The following KCNQ1 variants were observed in gnomAD, a reference collection of about 807,000 sequenced individuals.
The protein encoded by KCNQ1 is potassium voltage-gated channel subfamily Q member 1.
A neutral mutation model predicts 72.4 loss-of-function variants in KCNQ1; 49 were observed. That is an observed-to-expected ratio of 0.68 (90% CI 0.54 to 0.86). The LOEUF is 0.86. Among genes scored for constraint, KCNQ1 ranks in the 40% least tolerant of loss-of-function variants. KCNQ1 has a pLI of 0.00. For synonymous variants in KCNQ1, 450 were observed against 412.6 expected, an observed-to-expected ratio of 1.09 and a Z score of -1.10; for missense variants, 790 against 945.1, an observed-to-expected ratio of 0.84 and a Z score of 2.15.
Position 2,481,767 on chromosome 11 carries a change from C to A in KCNQ1, c.386+36283C>A, listed in dbSNP as rs936019509. ...AAGAATCTAATGCCTGATGATCTGTCACTGTCTCCCATCACCCCCAGATGG... is the reference window on the plus strand; with the variant it reads ...AAGAATCTAATGCCTGATGATCTGTAACTGTCTCCCATCACCCCCAGATGG... On this transcript the variant is annotated intron_variant, in intron 1 of 15. Coordinates refer to ENST00000155840, the MANE Select transcript of KCNQ1 (RefSeq NM_000218.3). The surrounding 1 kb of genome is among the most constrained non-coding windows in gnomAD (Gnocchi z 4.6). Among the ~76,000 whole-genome samples, 10 of 152,162 alleles carry A rather than the reference C, an allele frequency of 6.6e-5. No homozygotes were observed. Among genetic ancestry groups the A allele is most frequent in the Non-Finnish European group, 1.2e-4 (8 of 68,032 alleles).
In KCNQ1 at chr11:2,603,702, T is replaced by C. The variant is rs940129745; in HGVS notation, c.1393+14848T>C. On this transcript the variant is annotated intron_variant, in intron 10 of 15. Coordinates refer to ENST00000155840, the MANE Select transcript of KCNQ1 (RefSeq NM_000218.3). This position sits in a 1 kb window ranked among gnomAD's most constrained non-coding sequence, Gnocchi z 4.1. ...GTTTGTGCTTCAGTGCTTCTTTTTT[T>C]TTCCCCGAGACAGAGTCTCCCTCTG... Among the ~76,000 whole-genome samples the C allele has an allele frequency of 1.3e-5, 2 of 152,160 alleles. No individual in the cohort carries two copies. Among genetic ancestry groups the C allele is most frequent in the Admixed American group, 6.5e-5 (1 of 15,280 alleles).
rs189475054 is a variant in KCNQ1, at chr11:2,535,476, G to A, written c.477+7458G>A. Among the ~76,000 whole-genome samples, 141 of 152,322 alleles carry A rather than the reference G, an allele frequency of 9.3e-4. 1 individual carries two copies. The highest frequency in any genetic ancestry group is 3.0e-3 in the African/African-American group (125 of 41,578). On this transcript the variant is annotated intron_variant, in intron 2 of 15. Coordinates refer to ENST00000155840, the MANE Select transcript of KCNQ1 (RefSeq NM_000218.3). ...TGGGGACAGGAGAAGTGACTTGGCCGGCTCTCCGGAGCCCAGTGTTGATCA... is the reference window on the plus strand; with the variant it reads ...TGGGGACAGGAGAAGTGACTTGGCCAGCTCTCCGGAGCCCAGTGTTGATCA...
rs1208043546 is a variant in KCNQ1, at chr11:2,479,778, TG to T, written c.386+34297del. On this transcript the variant is annotated intron_variant, in intron 1 of 15. Transcript: ENST00000155840. The surrounding 1 kb of genome is among the most constrained non-coding windows in gnomAD (Gnocchi z 4.6). ...GCTGCTTGACTTTCTCCTCAGAAAA[TG>T]GGTTTTTATTTTCTATCACATTTTC... Among the ~76,000 whole-genome samples the T allele has an allele frequency of 5.3e-5, 8 of 152,334 alleles. No homozygotes were observed. Among genetic ancestry groups the T allele is most frequent in the Admixed American group, 2.6e-4 (4 of 15,298 alleles).
intron 2 of KCNQ1, among the ~76,000 whole-genome samples, chr11:2,534,885 A>T (rs916343207): frequency 6.6e-5 from 10 of 152,340 alleles, no homozygotes; most frequent in African/African-American, 1.9e-4. Flanking sequence ...TGGGCTCATG[A>T]AAGGCAGAGC....
Position 2,653,679 on chromosome 11 carries a change from G to T in KCNQ1, c.1394-8282G>T, listed in dbSNP as rs1006789483. ...AATGGCCACCAGCTTGCATTCAACA[G>T]CTCAGGAAGCCCAGCAGAACGAGGT... On this transcript the variant is annotated intron_variant, in intron 10 of 15. Transcript: ENST00000155840. The surrounding 1 kb of genome is among the most constrained non-coding windows in gnomAD (Gnocchi z 5.3). 5.0e-6 allele frequency: 2 copies of T among 398,704 alleles called. No homozygotes were observed. The highest frequency in any genetic ancestry group is 8.8e-6 in the Non-Finnish European group (2 of 226,122). 24.7% of individuals were successfully genotyped at this position (398,704 alleles called of 1,614,324 possible).
At chr11:2,622,213 T>G in intron 10 of KCNQ1, 1 of 398,436 alleles carries the variant, frequency 2.5e-6, no homozygotes, top group Non-Finnish European at 4.4e-6. Context: ...CAGTATATTT[T>G]CTTATATTCT....
rs902779473 is a variant in KCNQ1, at chr11:2,657,008, C to G, written c.1394-4953C>G. ...TGCTCTTCCCAGGATGTGCAGGCCA[C>G]CTCTGATACACAGCAAGCTTCCATA... On this transcript the variant is annotated intron_variant, in intron 10 of 15. Coordinates refer to ENST00000155840, the MANE Select transcript of KCNQ1 (RefSeq NM_000218.3). This position sits in a 1 kb window ranked among gnomAD's most constrained non-coding sequence, Gnocchi z 4.8. 1.3e-5 allele frequency: 5 copies of G among 398,610 alleles called. No individual in the cohort carries two copies. The East Asian group carries it at 1.8e-4, about 14-fold the overall frequency. The allele number at this position is 398,610 out of a possible 1,614,324, so 24.7% of individuals were successfully genotyped here.
rs1477942782 is a variant in KCNQ1 at position 2,498,511 on chromosome 11, C to G, written c.387-29417C>G. On this transcript the variant is annotated intron_variant, in intron 1 of 15. Coordinates refer to ENST00000155840, the MANE Select transcript of KCNQ1 (RefSeq NM_000218.3). The surrounding 1 kb of genome is among the most constrained non-coding windows in gnomAD (Gnocchi z 4.8). ...AGGGGAAAACCGCCTACTAAAGCCT[C>G]AGTAATACCAAATGCCCCTCCCGCC... 1.3e-5 allele frequency among the ~76,000 whole-genome samples: 2 copies of G among 152,196 alleles called. No individual in the cohort carries two copies. The highest frequency in any genetic ancestry group is 2.9e-5 in the Non-Finnish European group (2 of 68,030).
rs1003905941 is a variant in KCNQ1 at position 2,678,850 on chromosome 11, C to G, written c.1514+16769C>G. On this transcript the variant is annotated intron_variant, in intron 11 of 15. Transcript: ENST00000155840. This position sits in a 1 kb window ranked among gnomAD's most constrained non-coding sequence, Gnocchi z 4.9. ...ACTTCAAGGAAGGCAGAATCCAGGT[C>G]GGGGGTGCACAGGAGTTGCCAGCTG... 1 of 398,520 alleles carries G rather than the reference C, an allele frequency of 2.5e-6. No homozygotes were observed. Among genetic ancestry groups the G allele is most frequent in the Non-Finnish European group, 4.4e-6 (1 of 226,058 alleles). 24.7% of individuals were successfully genotyped at this position (398,520 alleles called of 1,614,324 possible). A position where few individuals can be genotyped will look rare whatever the true frequency, so the allele number is the denominator to read the frequency against.
intron 6 of KCNQ1, 149 bp from the exon 7 acceptor site, chr11:2,583,286 T>A: frequency 1.4e-6 from 1 of 712,982 alleles, no homozygotes; most frequent in Admixed American, 2.0e-5. Flanking sequence ...CTGTTCCTGG[T>A]GCTTTCGCCG....
rs138265664 is a variant in KCNQ1 at position 2,737,946 on chromosome 11, C to T, written c.1515-30898C>T. Among the ~76,000 whole-genome samples the T allele has an allele frequency of 9.2e-5, 14 of 152,122 alleles. No individual in the cohort carries two copies. In the East Asian group the frequency reaches 2.5e-3, roughly 27 times the overall value. On this transcript the variant is annotated intron_variant, in intron 11 of 15. Coordinates refer to ENST00000155840, the MANE Select transcript of KCNQ1 (RefSeq NM_000218.3). ...AGGCACACCTGGGGGCACAGAATGA[C>T]ACTGGGTCCTCTCAGCTTCATCCAT...
chr11:2,532,474 CT>C (rs1290827361), intron 2 of KCNQ1, among the ~76,000 whole-genome samples: 2 of 152,210 alleles, frequency 1.3e-5, no homozygotes, highest in Non-Finnish European at 2.9e-5. Flanking sequence ...GAGGGTCCAG[CT>C]GTCACTCAGT....
chr11:2,770,089 G>T (rs1007791712), intron 12 of KCNQ1, among the ~76,000 whole-genome samples: 2 of 152,174 alleles, frequency 1.3e-5, no homozygotes, highest in Admixed American at 1.3e-4. Context: ...CATCCAGACG[G>T]ACTGACAGTG....
intron 15 of KCNQ1, among the ~76,000 whole-genome samples, chr11:2,847,308 T>C (rs1158070210): frequency 6.6e-6 from 1 of 152,192 alleles, no homozygotes; most frequent in African/African-American, 2.4e-5. Flanking sequence ...ACAGTAGACA[T>C]AGCCCCCAGC....
chr11:2,843,119 G>A (rs1350992400), intron 15 of KCNQ1, among the ~76,000 whole-genome samples: 3 of 152,232 alleles, frequency 2.0e-5, no homozygotes, highest in Non-Finnish European at 4.4e-5. Context: ...GCTCCAGCAG[G>A]GCAGCTGCCC....
At chr11:2,456,771 A>C (rs1284390564) in intron 1 of KCNQ1, among the ~76,000 whole-genome samples, 10 of 108,208 alleles carry the variant, frequency 9.2e-5, no homozygotes, top group African/African-American at 3.6e-4. Flanking sequence ...AATCCAAAAA[A>C]AAAAAAAAAA....
chr11:2,530,133 G>A (rs1557647), intron 2 of KCNQ1, among the ~76,000 whole-genome samples: 92,582 of 151,962 alleles, frequency 0.61, 29,771 homozygotes, highest in Non-Finnish European at 0.71. Flanking sequence ...GGGTGAGGCC[G>A]TCCTTCCCCC....
intron 1 of KCNQ1, among the ~76,000 whole-genome samples, chr11:2,506,950 A>G (rs1160268146): frequency 1.3e-5 from 2 of 152,022 alleles, no homozygotes; most frequent in African/African-American, 2.4e-5. Context: ...TAAGTCATTT[A>G]TATTGTGGGA....
chr11:2,558,493 A>T (rs1005320224), intron 2 of KCNQ1, among the ~76,000 whole-genome samples: 2 of 152,188 alleles, frequency 1.3e-5, no homozygotes, highest in Non-Finnish European at 2.9e-5. Flanking sequence ...CAGAGACTAG[A>T]TGGGCCAGCC....
Sources: allele counts gnomAD v4.1 joint callset (sites outside exome capture counted in the v4.1 genomes callset), GRCh38; gene constraint gnomAD v4.1.1; non-coding constraint Gnocchi (gnomAD v3.1); transcripts MANE v1.5; gene names NCBI Gene and HGNC (gene_info 2026-07-23, HGNC 2026-07-21).